The following MAGI1 variants were observed in gnomAD, a reference collection of about 807,000 sequenced individuals.
MAGI1 encodes the protein membrane associated guanylate kinase, WW and PDZ domain containing 1.
In MAGI1, 58 loss-of-function variants were observed where a neutral mutation model predicts 139.9. That is an observed-to-expected ratio of 0.41 (90% confidence interval 0.34 to 0.52). The LOEUF is 0.52. Ranked by LOEUF, MAGI1 falls within the 20% of genes least tolerant of loss-of-function variation. MAGI1 has a pLI of 0.12. For missense variants in MAGI1, 1,874 were observed against 1,901.6 expected (o/e 0.99, Z 0.27); for synonymous variants, 812 against 737.9 (o/e 1.10, Z -1.63).
intron 2 of MAGI1, among the ~76,000 whole-genome samples, chr3:65,618,356 G>A (rs2083481341): frequency 6.6e-6 from 1 of 152,120 alleles, no homozygotes; most frequent in Non-Finnish European, 1.5e-5. Flanking sequence ...TGGAAAATAA[G>A]ATAAACTTAG....
chr3:65,806,959 A>G (rs1263426488), intron 1 of MAGI1, among the ~76,000 whole-genome samples: 1 of 152,230 alleles, frequency 6.6e-6, no homozygotes, highest in African/African-American at 2.4e-5. Context: ...TGGAAACATC[A>G]TCATAGCAAT....
chr3:65,885,296 C>A (rs943347496), intron 1 of MAGI1, among the ~76,000 whole-genome samples: 16 of 151,670 alleles, frequency 1.1e-4, no homozygotes, highest in African/African-American at 3.4e-4. Context: ...ACTTGGGAGG[C>A]TAAGCCAGGA....
intron 1 of MAGI1, among the ~76,000 whole-genome samples, chr3:65,775,085 C>G (rs9841605): frequency 2.6e-5 from 4 of 152,088 alleles, no homozygotes; most frequent in Non-Finnish European, 5.9e-5. Flanking sequence ...TGAATGTAAC[C>G]TACAGACTGA....
chr3:65,827,007 C>T lies in MAGI1; in HGVS notation c.314-204919G>A, dbSNP rs570282240. On this transcript the variant is annotated intron_variant, in intron 1 of 22. Transcript: ENST00000402939. Reference sequence around the variant, plus strand: ...TGTGCCACCATCCCCCGGTCTGCTGCTCCAACAATGTTTCCTTATTTCTCA... The same window carrying T: ...TGTGCCACCATCCCCCGGTCTGCTGTTCCAACAATGTTTCCTTATTTCTCA... Among the ~76,000 whole-genome samples, 675 of 83,348 alleles carry T rather than the reference C, an allele frequency of 8.1e-3. 7 individuals are homozygous for T. Among genetic ancestry groups the T allele is most frequent in the African/African-American group, 0.025 (602 of 24,412 alleles). 54.7% of individuals were successfully genotyped at this position (83,348 alleles called of 152,430 possible).
intron 1 of MAGI1, among the ~76,000 whole-genome samples, chr3:66,026,678 GCA>G (rs1282411140): frequency 6.6e-6 from 1 of 151,662 alleles, no homozygotes; most frequent in Non-Finnish European, 1.5e-5. Context: ...TAGAGAGAGG[GCA>G]CACGGGAGGA....
chr3:65,908,202 G>A (rs750498342), intron 1 of MAGI1, among the ~76,000 whole-genome samples: 2 of 152,086 alleles, frequency 1.3e-5, no homozygotes, highest in African/African-American at 4.8e-5. Flanking sequence ...ACATTCAAAG[G>A]TAGTATACGC....
chr3:66,008,908 T>C (rs1233409912), intron 1 of MAGI1: 1 of 152,258 alleles, frequency 6.6e-6, no homozygotes, highest in Non-Finnish European at 1.5e-5. Flanking sequence ...AAGCAGGGTA[T>C]GCCAGGTTAG....
chr3:65,978,509 C>T (rs1173608744), intron 1 of MAGI1, among the ~76,000 whole-genome samples: 1 of 152,156 alleles, frequency 6.6e-6, no homozygotes, highest in Admixed American at 6.5e-5. Flanking sequence ...CCTATCATAC[C>T]CCAAATACTT....
At chr3:65,545,441 A>G (rs961352690) in intron 2 of MAGI1, among the ~76,000 whole-genome samples, 1 of 152,188 alleles carries the variant, frequency 6.6e-6, no homozygotes, top group Non-Finnish European at 1.5e-5. Context: ...CTCACTTTGG[A>G]GACTACTTCC....
chr3:65,385,065 G>T (rs762172662), intron 14 of MAGI1, among the ~76,000 whole-genome samples: 2 of 152,126 alleles, frequency 1.3e-5, no homozygotes, highest in Non-Finnish European at 2.9e-5. Flanking sequence ...TCTAGAATTT[G>T]CCTATGATAT....
chr3:65,448,191 G>T, intron 6 of MAGI1, 134 bp from the exon 7 acceptor site: 1 of 816,250 alleles, frequency 1.2e-6, no homozygotes, highest in South Asian at 1.4e-5. Flanking sequence ...CCTGCATTGT[G>T]GCTTATTTCA....
chr3:65,463,884 T>G (rs11919144), intron 5 of MAGI1, among the ~76,000 whole-genome samples: 47,001 of 148,794 alleles, frequency 0.32, 8,844 homozygotes, highest in East Asian at 0.73. Flanking sequence ...AATTTATCCA[T>G]TTCTTCTAGA....
At chr3:65,881,726 G>A (rs1375466863) in intron 1 of MAGI1, among the ~76,000 whole-genome samples, 1 of 152,176 alleles carries the variant, frequency 6.6e-6, no homozygotes, top group Non-Finnish European at 1.5e-5. Flanking sequence ...AGAACGTCTA[G>A]GTGTACAGGA....
chr3:65,396,821 G>A (rs956447406), intron 13 of MAGI1, among the ~76,000 whole-genome samples: 5 of 152,248 alleles, frequency 3.3e-5, no homozygotes, highest in Non-Finnish European at 5.9e-5. Flanking sequence ...ATCCAAGCCA[G>A]TGCAGAGGAT....
chr3:65,561,418 A>C (rs897083259), intron 2 of MAGI1, among the ~76,000 whole-genome samples: 3 of 152,126 alleles, frequency 2.0e-5, no homozygotes, highest in African/African-American at 2.4e-5. Context: ...GCCTTAAGGA[A>C]CGAAACCCAC....
intron 2 of MAGI1, among the ~76,000 whole-genome samples, chr3:65,607,196 T>C (rs2082786708): frequency 6.6e-6 from 1 of 151,478 alleles, no homozygotes; most frequent in Non-Finnish European, 1.5e-5. Context: ...AGTGTGCAGA[T>C]GGACATCCAA....
Position 65,794,519 on chromosome 3 carries a change from G to A in MAGI1, c.314-172431C>T, listed in dbSNP as rs548179297. On this transcript the variant is annotated intron_variant, in intron 1 of 22. Coordinates refer to ENST00000402939, the MANE Select transcript of MAGI1 (RefSeq NM_001033057.2). ...GCATCCACTCATTCTGCAGGACAGT[G>A]AGGTGATAGTCACAGAATGAAAATC... 2.6e-5 allele frequency among the ~76,000 whole-genome samples: 4 copies of A among 152,238 alleles called. No individual in the cohort carries two copies. The South Asian group carries it at 8.3e-4, about 32-fold the overall frequency.
intron 2 of MAGI1, among the ~76,000 whole-genome samples, chr3:65,501,022 A>C (rs1043883348): frequency 6.6e-6 from 1 of 152,206 alleles, no homozygotes; most frequent in African/African-American, 2.4e-5. Flanking sequence ...AGAATGTATT[A>C]GTCCTCCAAA....
At chr3:65,565,651 G>A (rs1364397849) in intron 2 of MAGI1, among the ~76,000 whole-genome samples, 1 of 151,868 alleles carries the variant, frequency 6.6e-6, no homozygotes, top group East Asian at 1.9e-4. Flanking sequence ...GAGGTTAGGA[G>A]TTCAAGACCA....
Sources: gnomAD v4.1 joint callset for allele counts (sites outside exome capture counted in the v4.1 genomes callset) on GRCh38, gnomAD v4.1.1 for gene constraint, MANE v1.5 for transcripts, NCBI Gene and HGNC (gene_info 2026-07-23, HGNC 2026-07-21) for gene names.